The following DEPTOR variants were observed in gnomAD, a reference collection of about 807,000 sequenced individuals.
The protein encoded by DEPTOR is DEP domain containing MTOR interacting protein.
In DEPTOR, 41 loss-of-function variants were observed where a neutral mutation model predicts 41.6. The observed-to-expected ratio is 0.98, with a 90% confidence interval of 0.77 to 1.28. The LOEUF (loss-of-function observed/expected upper bound fraction) is 1.28. DEPTOR is among the 50% of genes most tolerant of loss of function. The pLI is 0.00. For synonymous variants in DEPTOR, 195 were observed against 192.3 expected (o/e 1.01, Z -0.12); for missense variants, 514 against 527.9 (o/e 0.97, Z 0.26).
At chr8:119,918,452 T>A (rs1437185107) in intron 1 of DEPTOR, among the ~76,000 whole-genome samples, 1 of 93,362 alleles carries the variant, frequency 1.1e-5, no homozygotes, top group Admixed American at 8.5e-5. Flanking sequence ...ATTTATTTAT[T>A]TATTTATTTA....
chr8:119,981,067 A>G (rs528734432), intron 4 of DEPTOR, among the ~76,000 whole-genome samples: 1 of 152,322 alleles, frequency 6.6e-6, no homozygotes, highest in East Asian at 1.9e-4. Flanking sequence ...AACACAGTAA[A>G]TGGCATGAGG....
At chr8:120,042,973 C>G (rs1813100245) in intron 8 of DEPTOR, among the ~76,000 whole-genome samples, 3 of 151,962 alleles carry the variant, frequency 2.0e-5, no homozygotes, top group Admixed American at 2.0e-4. Flanking sequence ...GCCTCAGCCT[C>G]CCGAGTAGCT....
chr8:119,874,230 A>G (rs1827203449), intron 1 of DEPTOR: 1 of 504,472 alleles, frequency 2.0e-6, no homozygotes, highest in Admixed American at 4.4e-5. Flanking sequence ...TGGCTGCTGC[A>G]GTCCTGTGCC....
chr8:120,030,519 T>TTTTTTTTTTTTTTTTTTTTTG, intron 8 of DEPTOR, among the ~76,000 whole-genome samples: 1 of 136,284 alleles, frequency 7.3e-6, no homozygotes, highest in Non-Finnish European at 1.6e-5. Flanking sequence ...TTTTTTTTTT[T>TTTTTTTTTTTTTTTTTTTTTG]TTTTTTAGCT....
chr8:119,931,309 A>C (rs1251120688), intron 3 of DEPTOR, among the ~76,000 whole-genome samples: 1 of 152,186 alleles, frequency 6.6e-6, no homozygotes, highest in Non-Finnish European at 1.5e-5. Flanking sequence ...GGTCAGATTA[A>C]TTGGCATGAT....
At position 120,049,993 on chromosome 8, in the gene DEPTOR, T is replaced by C. The variant is rs1813211940; in HGVS notation, c.*289T>C. 4.4e-6 allele frequency: 1 copy of C among 225,756 alleles called. No individual in the cohort carries two copies. Among genetic ancestry groups the C allele is most frequent in the African/African-American group, 2.3e-5 (1 of 44,178 alleles). 14.0% of individuals were successfully genotyped at this position (225,756 alleles called of 1,614,324 possible). A position where few individuals can be genotyped will look rare whatever the true frequency, so the allele number is the denominator to read the frequency against. ...AGCTCTCATTCATTGTTTTTTATCT[T>C]AGTTTGCAGAAAGGTGTTGAAATGC... is the stretch of plus-strand genomic sequence containing the variant. On this transcript the variant is annotated 3_prime_UTR_variant, in exon 9 of 9. Transcript: ENST00000286234.
intron 8 of DEPTOR, among the ~76,000 whole-genome samples, chr8:120,040,550 T>C (rs1458803605): frequency 2.6e-5 from 4 of 152,114 alleles, no homozygotes; most frequent in Admixed American, 2.6e-4. Context: ...ATACTTAGAA[T>C]GGGATCCCAA....
At chr8:120,011,146 G>A (rs1374121484) in intron 8 of DEPTOR, among the ~76,000 whole-genome samples, 11 of 152,158 alleles carry the variant, frequency 7.2e-5, no homozygotes, top group Non-Finnish European at 2.9e-5. Flanking sequence ...TTGCATGCTG[G>A]AAAAAATAAG....
At chr8:119,971,704 T>C (rs918091534) in intron 4 of DEPTOR, among the ~76,000 whole-genome samples, 1 of 152,126 alleles carries the variant, frequency 6.6e-6, no homozygotes, top group Non-Finnish European at 1.5e-5. Context: ...GGGGAGAAGG[T>C]CGGAGACATC....
intron 4 of DEPTOR, among the ~76,000 whole-genome samples, chr8:119,974,235 T>TAAA (rs35885551): frequency 2.3e-4 from 17 of 74,900 alleles, no homozygotes; most frequent in African/African-American, 6.1e-4. Context: ...CTTGTCTCTT[T>TAAA]AAAAAAAAAA....
At chr8:119,948,358 G>C (rs1019692567) in intron 3 of DEPTOR, among the ~76,000 whole-genome samples, 2 of 152,124 alleles carry the variant, frequency 1.3e-5, no homozygotes, top group Non-Finnish European at 1.5e-5. Context: ...GCTGCAGTGA[G>C]CCAAGATCGT....
intron 1 of DEPTOR, among the ~76,000 whole-genome samples, chr8:119,918,662 T>C (rs948200667): frequency 6.6e-6 from 1 of 152,278 alleles, no homozygotes; most frequent in African/African-American, 2.4e-5. Flanking sequence ...GGTTTCACCA[T>C]GTTGGCCAGG....
chr8:119,901,117 G>A (rs9649947), intron 1 of DEPTOR, among the ~76,000 whole-genome samples: 75,713 of 151,950 alleles, frequency 0.5, 20,577 homozygotes, highest in East Asian at 0.92. Flanking sequence ...GAAGCAGAGT[G>A]TTTGTACTTA....
chr8:120,032,282 G>A (rs182938701), intron 8 of DEPTOR, among the ~76,000 whole-genome samples: 8 of 141,576 alleles, frequency 5.7e-5, no homozygotes, highest in Admixed American at 2.2e-4. Context: ...GCAGTGGCAC[G>A]ATCTTGGCTC....
chr8:119,982,516 C>T lies in DEPTOR; in HGVS notation c.604+17106C>T, dbSNP rs549197291. Among the ~76,000 whole-genome samples, 40 of 152,284 alleles carry T rather than the reference C, an allele frequency of 2.6e-4. 1 individual carries two copies. The highest frequency in any genetic ancestry group is 6.8e-3 in the Middle Eastern group (2 of 294). ...AGTGCAGTAAAGATAGTTTAAGCCT[C>T]TAGACTTGAATTTGGGATGCTATCT... is the stretch of plus-strand genomic sequence containing the variant. On this transcript the variant is annotated intron_variant, in intron 4 of 8. Transcript: ENST00000286234.
At chr8:120,040,276 T>C (rs1299400081) in intron 8 of DEPTOR, among the ~76,000 whole-genome samples, 1 of 151,974 alleles carries the variant, frequency 6.6e-6, no homozygotes, top group African/African-American at 2.4e-5. Context: ...TAACTTTTGG[T>C]AGAAAAAAAT....
At position 119,928,479 on chromosome 8, in the gene DEPTOR, G is replaced by C; in HGVS notation, c.202G>C (p.Glu68Gln). 6.2e-7 allele frequency: 1 copy of C among 1,614,168 alleles called. No homozygotes were observed. Among genetic ancestry groups the C allele is most frequent in the Non-Finnish European group, 8.5e-7 (1 of 1,180,020 alleles). ...KTYPNCFVAK[E>Q]LIDWLIEHKE... is the part of the protein sequence containing the mutation. ...CTACCCAAACTGTTTTGTCGCAAAAGAACTGATTGACTGGCTGATTGAACA... is the reference window on the plus strand; with the variant it reads ...CTACCCAAACTGTTTTGTCGCAAAACAACTGATTGACTGGCTGATTGAACA... The change falls in exon 2 of 9, where the codon GAA becomes CAA. Residue 68 changes from glutamate (E) to glutamine (Q), a missense_variant. By Grantham distance (29) the Glu-to-Gln change is conservative. Transcript: ENST00000286234.
intron 6 of DEPTOR, 23 bp downstream of exon 6, chr8:120,003,134 C>G (rs775193539): frequency 6.2e-7 from 1 of 1,608,126 alleles, no homozygotes; most frequent in South Asian, 1.1e-5. Context: ...AAGGTGGCCC[C>G]GCTCCTAAGA....
intron 1 of DEPTOR, among the ~76,000 whole-genome samples, chr8:119,927,570 CAT>C (rs959410910): frequency 2.0e-5 from 3 of 146,868 alleles, no homozygotes; most frequent in African/African-American, 5.0e-5. Flanking sequence ...CACATATATA[CAT>C]ATATATATAC....
Sources: gnomAD v4.1 joint callset for allele counts (sites outside exome capture counted in the v4.1 genomes callset) on GRCh38, gnomAD v4.1.1 for gene constraint, MANE v1.5 for transcripts, NCBI Gene and HGNC (gene_info 2026-07-23, HGNC 2026-07-21) for gene names.